Variants in PIP5K1A observed in about 807,000 individuals in gnomAD.
PIP5K1A encodes phosphatidylinositol 4-phosphate 5-kinase type-1 alpha.
Under a neutral mutation model 72.9 loss-of-function variants are expected in PIP5K1A, and 46 were observed. The ratio of observed to expected loss-of-function variants is 0.63; its 90% CI spans 0.50 to 0.81. PIP5K1A has a LOEUF of 0.81. PIP5K1A is among the 30% of genes least tolerant of loss of function. The pLI, the probability that PIP5K1A is intolerant of heterozygous loss-of-function variation, is 0.00. For missense variants in PIP5K1A, 458 were observed against 706.1 expected, an observed-to-expected ratio of 0.65 and a Z score of 3.98; for synonymous variants, 228 against 255.1, an observed-to-expected ratio of 0.89 and a Z score of 1.01.
At chr1:151,216,218 G>A (rs1441313615) in intron 1 of PIP5K1A, among the ~76,000 whole-genome samples, 1 of 151,958 alleles carries the variant, frequency 6.6e-6, no homozygotes, top group Non-Finnish European at 1.5e-5. Flanking sequence ...GCATGGTGGC[G>A]GGTGCCTGTA....
At chr1:151,239,297 G>A (rs2101565413) in intron 11 of PIP5K1A, 119 bp downstream of exon 11, 1 of 626,338 alleles carries the variant, frequency 1.6e-6, no homozygotes, top group East Asian at 2.9e-5. Flanking sequence ...TTTTGAGACA[G>A]GGTCTCACTC....
chr1:151,221,421 A>G (rs1892196), intron 1 of PIP5K1A, among the ~76,000 whole-genome samples: 97,877 of 152,044 alleles, frequency 0.64, 31,864 homozygotes, highest in Non-Finnish European at 0.7. Context: ...TAGCCAAGCA[A>G]TTAACCTATA....
intron 1 of PIP5K1A, among the ~76,000 whole-genome samples, chr1:151,215,263 C>T (rs587730989): frequency 6.6e-6 from 1 of 151,778 alleles, no homozygotes; most frequent in Non-Finnish European, 1.5e-5. Flanking sequence ...GTCTCGAGCT[C>T]TCGACCTCAG....
chr1:151,199,216 T>C, intron 1 of PIP5K1A, 135 bp downstream of exon 1: 1 of 1,511,498 alleles, frequency 6.6e-7, no homozygotes, highest in Non-Finnish European at 8.9e-7. Flanking sequence ...GGCTTTCAAA[T>C]AGGGATTTAT....
At chr1:151,222,577 T>C (rs1023301471) in intron 1 of PIP5K1A, among the ~76,000 whole-genome samples, 4 of 152,198 alleles carry the variant, frequency 2.6e-5, no homozygotes, top group Admixed American at 2.6e-4. Context: ...CAGAGGAGCT[T>C]ACTTTCTAGG....
chr1:151,234,871 A>G (rs1373753230), intron 8 of PIP5K1A, among the ~76,000 whole-genome samples: 2 of 152,202 alleles, frequency 1.3e-5, no homozygotes, highest in Non-Finnish European at 2.9e-5. Flanking sequence ...CAGAATTATG[A>G]TATCCAACCC....
intron 1 of PIP5K1A, among the ~76,000 whole-genome samples, chr1:151,220,379 G>C (rs1306981427): frequency 1.3e-5 from 2 of 151,854 alleles, no homozygotes; most frequent in African/African-American, 4.8e-5. Context: ...TTTCTTCTGT[G>C]GTATTTTTTT....
intron 1 of PIP5K1A, among the ~76,000 whole-genome samples, chr1:151,212,225 G>C (rs1187923040): frequency 6.6e-6 from 1 of 152,180 alleles, no homozygotes; most frequent in Non-Finnish European, 1.5e-5. Flanking sequence ...AGGCCAAAGT[G>C]GGTGGATCAG....
chr1:151,222,748 T>C (rs766397104), intron 1 of PIP5K1A, among the ~76,000 whole-genome samples: 3 of 152,170 alleles, frequency 2.0e-5, no homozygotes, highest in Non-Finnish European at 4.4e-5. Flanking sequence ...GAGTACCTCA[T>C]TGAGAATCAG....
intron 1 of PIP5K1A, among the ~76,000 whole-genome samples, chr1:151,217,490 C>T (rs1046822762): frequency 6.6e-6 from 1 of 152,116 alleles, no homozygotes; most frequent in African/African-American, 2.4e-5. Flanking sequence ...CTGACTTTAG[C>T]CTTCCTAAAT....
rs753093664 is a variant in PIP5K1A, at chr1:151,242,440, G to T, written c.1513G>T (p.Val505Phe). 1.2e-6 allele frequency: 2 copies of T among 1,613,238 alleles called. No homozygotes were observed. The highest frequency in any genetic ancestry group is 1.3e-5 in the African/African-American group (1 of 74,738). The change falls in exon 14 of 16, where the codon GTT becomes TTT. Residue 505 changes from valine (V) to phenylalanine (F), a missense_variant and splice_region_variant. Val to Phe is a conservative substitution (Grantham distance 50). This residue lies in a region of PIP5K1A where 157 missense variants were observed against 175.5 expected (regional missense o/e 0.89). Coordinates refer to ENST00000368888, the MANE Select transcript of PIP5K1A (RefSeq NM_001135638.2). ...VTTKAEVEPG[V>F]HLGRPDVLPQ... ...CATCTTCTCTATCTTTTTTCCAGGC[G>T]TTCACCTTGGTCGTCCTGATGTTTT...
At position 151,232,030 on chromosome 1, in the gene PIP5K1A, T is replaced by C. The variant is rs587722750; in HGVS notation, c.369-218T>C. On this transcript the variant is annotated intron_variant, in intron 5 of 15. Transcript: ENST00000368888. Reference sequence around the variant, plus strand: ...GACCCGTAAAAAACAACCTAATGCATTGGATAGGAGGCAGTGTGATTTCTT... The same window carrying C: ...GACCCGTAAAAAACAACCTAATGCACTGGATAGGAGGCAGTGTGATTTCTT... Among the ~76,000 whole-genome samples the C allele has an allele frequency of 2.0e-5, 3 of 152,140 alleles. 1 individual carries two copies. The highest frequency in any genetic ancestry group is 7.2e-5 in the African/African-American group (3 of 41,420).
chr1:151,218,747 C>T (rs904080508), intron 1 of PIP5K1A, among the ~76,000 whole-genome samples: 6 of 145,072 alleles, frequency 4.1e-5, no homozygotes, highest in African/African-American at 1.0e-4. Flanking sequence ...GCAGGAGAAT[C>T]GCTTGAACCT....
intron 1 of PIP5K1A, among the ~76,000 whole-genome samples, chr1:151,201,289 G>T (rs1685185223): frequency 6.6e-6 from 1 of 151,922 alleles, no homozygotes; most frequent in Non-Finnish European, 1.5e-5. Context: ...ATTTTTGTAG[G>T]TCTTTATGTT....
At chr1:151,241,465 C>T (rs1691687255) in intron 12 of PIP5K1A, among the ~76,000 whole-genome samples, 1 of 151,100 alleles carries the variant, frequency 6.6e-6, no homozygotes, top group Admixed American at 6.6e-5. Flanking sequence ...GATGGCACCA[C>T]TGCACTCCAG....
chr1:151,201,204 A>G (rs989091185), intron 1 of PIP5K1A, among the ~76,000 whole-genome samples: 4 of 152,192 alleles, frequency 2.6e-5, no homozygotes, highest in Admixed American at 2.6e-4. Flanking sequence ...CAACCCAGAA[A>G]GAAGAAGGGT....
At chr1:151,199,102 G>A in intron 1 of PIP5K1A, 21 bp downstream of exon 1, 1 of 1,613,938 alleles carries the variant, frequency 6.2e-7, no homozygotes. Context: ...CAGGGCGTGG[G>A]TAGGGAGCTG....
At chr1:151,199,160 G>A (rs1684839161) in intron 1 of PIP5K1A, 79 bp downstream of exon 1, 1 of 1,607,086 alleles carries the variant, frequency 6.2e-7, no homozygotes. Flanking sequence ...GAGGGTACCT[G>A]TAGCTGGGAA....
chr1:151,227,477 T>TA (rs767490628), intron 4 of PIP5K1A, 77 bp downstream of exon 4: 3 of 877,358 alleles, frequency 3.4e-6, no homozygotes, highest in African/African-American at 1.7e-5. Flanking sequence ...TCCTTGAAAT[T>TA]ACTCTCCATG....
Sources: allele counts gnomAD v4.1 joint callset (sites outside exome capture counted in the v4.1 genomes callset), GRCh38; gene constraint gnomAD v4.1.1; regional missense constraint gnomAD v4.1.1; transcripts MANE v1.5; gene names NCBI Gene and HGNC (gene_info 2026-07-23, HGNC 2026-07-21).